Variants in PROS1 observed in about 807,000 individuals in gnomAD.
The protein encoded by PROS1 is protein S, also known as vitamin K-dependent protein S.
In PROS1, 29 loss-of-function variants were observed where a neutral mutation model predicts 75.9. The observed-to-expected ratio is 0.38, with a 90% CI of 0.28 to 0.52. The LOEUF (loss-of-function observed/expected upper bound fraction) is 0.52. PROS1 is among the 20% of genes least tolerant of loss of function. The pLI is 0.83. For missense variants in PROS1, 680 were observed against 810.3 expected (o/e 0.84, Z 1.95); for synonymous variants, 245 against 280.6 (o/e 0.87, Z 1.27).
chr3:93,929,861 A>C (rs1709078665), intron 1 of PROS1, among the ~76,000 whole-genome samples: 1 of 152,226 alleles, frequency 6.6e-6, no homozygotes, highest in African/African-American at 2.4e-5. Context: ...TCTTAACCAC[A>C]AATGGTTCTT....
chr3:93,937,668 G>A (rs1333099085), intron 1 of PROS1, among the ~76,000 whole-genome samples: 1 of 152,098 alleles, frequency 6.6e-6, no homozygotes, highest in East Asian at 1.9e-4. Context: ...TGCTCAGCCT[G>A]AGTTGATTTT....
intron 1 of PROS1, among the ~76,000 whole-genome samples, chr3:93,940,402 C>A (rs1169686735): frequency 6.6e-6 from 1 of 152,146 alleles, no homozygotes; most frequent in Non-Finnish European, 1.5e-5. Flanking sequence ...GCTACCCACT[C>A]CACATTACCT....
intron 3 of PROS1, chr3:93,911,044 T>C: frequency 3.3e-6 from 1 of 298,756 alleles, no homozygotes; most frequent in Non-Finnish European, 6.4e-6. Context: ...AGAAACAAGA[T>C]GTTGCCCTCA....
chr3:93,873,996 G>C lies in PROS1; in HGVS notation c.*249C>G, dbSNP rs934476289. On this transcript the variant is annotated 3_prime_UTR_variant, in exon 15 of 15. Transcript: ENST00000394236. ...ACAAAAATTGAAACTGTCATTTGTA[G>C]GAAAAAAATTCAAATTTAAAATTGT... 2.0e-5 allele frequency: 8 copies of C among 408,312 alleles called. No homozygotes were observed. Among genetic ancestry groups the C allele is most frequent in the African/African-American group, 1.6e-4 (8 of 49,376 alleles). The allele number at this position is 408,312 out of a possible 1,614,324, so 25.3% of individuals were successfully genotyped here.
chr3:93,910,278 G>A (rs1708740893), intron 4 of PROS1, among the ~76,000 whole-genome samples: 1 of 152,118 alleles, frequency 6.6e-6, no homozygotes, highest in Non-Finnish European at 1.5e-5. Context: ...GCTCTACTTT[G>A]AGCTATTAAT....
At chr3:93,916,098 T>C (rs551801085) in intron 3 of PROS1, among the ~76,000 whole-genome samples, 2 of 152,244 alleles carry the variant, frequency 1.3e-5, no homozygotes, top group South Asian at 4.1e-4. Flanking sequence ...TATTACAGCA[T>C]CATCCCATGA....
At chr3:93,927,993 GTA>G (rs1553814546) in intron 1 of PROS1, among the ~76,000 whole-genome samples, 3 of 25,602 alleles carry the variant, frequency 1.2e-4, no homozygotes, top group South Asian at 1.5e-3. Context: ...GTGTGTGTGT[GTA>G]TATATATATA....
chr3:93,968,016 T>TTAAAA (rs1480957309), intron 1 of PROS1: 1 of 152,106 alleles, frequency 6.6e-6, no homozygotes, highest in African/African-American at 2.4e-5. Flanking sequence ...TTTGACTGGC[T>TTAAAA]TAAAATAAAA....
At chr3:93,916,093 C>T (rs1014797237) in intron 3 of PROS1, among the ~76,000 whole-genome samples, 1 of 152,130 alleles carries the variant, frequency 6.6e-6, no homozygotes, top group African/African-American at 2.4e-5. Context: ...GGCCTTATTA[C>T]AGCATCATCC....
chr3:93,966,266 T>A (rs764735837), intron 1 of PROS1, among the ~76,000 whole-genome samples: 1 of 152,158 alleles, frequency 6.6e-6, no homozygotes, highest in Non-Finnish European at 1.5e-5. Flanking sequence ...TTGCAAATGG[T>A]CTTTCCAGAG....
In PROS1 at chr3:93,906,957, C is replaced by T. The variant is rs192214380; in HGVS notation, c.347-814G>A. 6.6e-5 allele frequency among the ~76,000 whole-genome samples: 10 copies of T among 152,330 alleles called. 1 individual carries two copies. The highest frequency in any genetic ancestry group is 6.5e-4 in the Admixed American group (10 of 15,302). On this transcript the variant is annotated intron_variant, in intron 4 of 14. Transcript: ENST00000394236. ...CATGGGAAGGGAGCTGAGGGGCATG[C>T]TGAGGGCAGCTCAGTGCTGGCCTGC...
At position 93,905,741 on chromosome 3, in the gene PROS1, C is replaced by T. The variant is rs183141432; in HGVS notation, c.601+43G>A. 4,412 of 1,595,548 alleles carry T rather than the reference C, an allele frequency of 2.8e-3. 31 individuals carry two copies. The highest frequency in any genetic ancestry group is 0.018 in the South Asian group (1,566 of 89,262). Reference sequence around the variant, plus strand: ...TAAAATTTCTCTAACTGGGATTATTCTCACATAGTAAATGTGTTTTAATTC... The same window carrying T: ...TAAAATTTCTCTAACTGGGATTATTTTCACATAGTAAATGTGTTTTAATTC... On this transcript the variant is annotated intron_variant, in intron 6 of 14. Transcript: ENST00000394236.
chr3:93,935,050 G>C (rs189539975), intron 1 of PROS1, among the ~76,000 whole-genome samples: 3 of 151,966 alleles, frequency 2.0e-5, no homozygotes, highest in African/African-American at 7.3e-5. Flanking sequence ...ATCTTTACTC[G>C]AATGATAGAA....
intron 6 of PROS1, among the ~76,000 whole-genome samples, chr3:93,901,284 G>A (rs1411548205): frequency 6.6e-6 from 1 of 152,158 alleles, no homozygotes; most frequent in East Asian, 1.9e-4. Flanking sequence ...TACATGGGAA[G>A]GCTCATCTCT....
chr3:93,972,157 G>A (rs1709890846), intron 1 of PROS1, among the ~76,000 whole-genome samples: 1 of 152,168 alleles, frequency 6.6e-6, no homozygotes, highest in African/African-American at 2.4e-5. Context: ...AAGGAGTTAA[G>A]TGTGGCAAGC....
chr3:93,927,238 A>C lies in PROS1; in HGVS notation c.234+12T>G. On this transcript the variant is annotated intron_variant, in intron 2 of 14. Coordinates refer to ENST00000394236, the MANE Select transcript of PROS1 (RefSeq NM_000313.4). ...TAGATGTGTGAACTTGATAGTTTCC[A>C]TAAATGCTTACCGTTTCCGGGTCAT... is the stretch of plus-strand genomic sequence containing the variant. 6.2e-7 allele frequency: 1 copy of C among 1,612,212 alleles called. No individual in the cohort carries two copies. The highest frequency in any genetic ancestry group is 8.5e-7 in the Non-Finnish European group (1 of 1,179,996).
rs139938624 is a variant in PROS1, at chr3:93,920,418, T to C, written c.259+3822A>G. 1.9e-3 allele frequency among the ~76,000 whole-genome samples: 296 copies of C among 152,280 alleles called. 4 individuals carry two copies. The East Asian group carries it at 0.05, about 26-fold the overall frequency. On this transcript the variant is annotated intron_variant, in intron 3 of 14. Coordinates refer to ENST00000394236, the MANE Select transcript of PROS1 (RefSeq NM_000313.4). ...TGTGTTCTTAAGATATTTCTAGATA[T>C]GTTATGGGATTTGCTGCTATTGTGA... is the stretch of plus-strand genomic sequence containing the variant.
chr3:93,878,708 G>A (rs887654826), intron 13 of PROS1, among the ~76,000 whole-genome samples: 14 of 152,226 alleles, frequency 9.2e-5, no homozygotes, highest in Non-Finnish European at 1.6e-4. Context: ...CTTACTCTTG[G>A]GAGAAAAGAT....
At chr3:93,879,351 A>T (rs1158743662) in intron 12 of PROS1, 37 bp from the exon 13 acceptor site, 2 of 1,606,444 alleles carry the variant, frequency 1.2e-6, no homozygotes, top group Non-Finnish European at 1.7e-6. Flanking sequence ...TGATCAATGC[A>T]CTCCTAAAGT....
Sources: allele counts gnomAD v4.1 joint callset (sites outside exome capture counted in the v4.1 genomes callset), GRCh38; gene constraint gnomAD v4.1.1; transcripts MANE v1.5; gene names NCBI Gene and HGNC (gene_info 2026-07-23, HGNC 2026-07-21).